Variants in GNG7 observed in about 807,000 individuals in gnomAD.
GNG7 encodes the protein guanine nucleotide-binding protein G(I)/G(S)/G(O) subunit gamma-7.
GNG7 carries 1 observed loss-of-function variant against 4.0 expected under a neutral mutation model. That is an observed-to-expected ratio of 0.25 (90% CI 0.09 to 1.18). The LOEUF is 1.18. Ranked by LOEUF, GNG7 falls within the 50% of genes most tolerant of loss-of-function variation. The pLI, the probability that GNG7 is intolerant of heterozygous loss-of-function variation, is 0.50. For synonymous variants in GNG7, 34 were observed against 36.9 expected (o/e 0.92, Z 0.29); for missense variants, 86 against 91.9 (o/e 0.94, Z 0.26).
At chr19:2,601,686 G>A (rs1201893234) in intron 2 of GNG7, among the ~76,000 whole-genome samples, 1 of 152,068 alleles carries the variant, frequency 6.6e-6, no homozygotes, top group African/African-American at 2.4e-5. Context: ...GGCCGGGGCA[G>A]GAGGATCCCT....
rs575755268 is a variant in GNG7 at position 2,551,544 on chromosome 19, T to C, written c.-38+3605A>G. Among the ~76,000 whole-genome samples the C allele has an allele frequency of 1.0e-4, 8 of 78,748 alleles. No individual in the cohort carries two copies. The South Asian group carries it at 2.3e-3, about 23-fold the overall frequency. 51.7% of individuals were successfully genotyped at this position (78,748 alleles called of 152,430 possible). A position where few individuals can be genotyped will look rare whatever the true frequency, so the allele number is the denominator to read the frequency against. On this transcript the variant is annotated intron_variant, in intron 3 of 4. Coordinates refer to ENST00000382159, the MANE Select transcript of GNG7 (RefSeq NM_052847.3). ...ATTTATATAAAAATATATTTATATG[T>C]ATTTATTAATATATATTTATCTATT...
At chr19:2,581,065 T>C (rs770042884) in intron 2 of GNG7, among the ~76,000 whole-genome samples, 2 of 152,102 alleles carry the variant, frequency 1.3e-5, no homozygotes, top group Non-Finnish European at 2.9e-5. Flanking sequence ...GCGCCCGGCC[T>C]CTGCCTGGTT....
At chr19:2,597,442 C>CA (rs1367810643) in intron 2 of GNG7, among the ~76,000 whole-genome samples, 5 of 151,688 alleles carry the variant, frequency 3.3e-5, no homozygotes, top group African/African-American at 1.2e-4. Flanking sequence ...ACTAAAAATA[C>CA]AAAAATTAGC....
intron 1 of GNG7, among the ~76,000 whole-genome samples, chr19:2,652,976 A>G (rs1375100015): frequency 6.6e-6 from 1 of 151,752 alleles, no homozygotes; most frequent in Non-Finnish European, 1.5e-5. Context: ...AAAATTTAAA[A>G]ATTTGCTGGG....
chr19:2,638,912 A>C (rs1982407177), intron 2 of GNG7, among the ~76,000 whole-genome samples: 1 of 152,206 alleles, frequency 6.6e-6, no homozygotes, highest in Admixed American at 6.5e-5. Context: ...GATCCATAAA[A>C]AAAACAAAGG....
At chr19:2,572,485 G>A (rs1980177565) in intron 2 of GNG7, among the ~76,000 whole-genome samples, 1 of 152,038 alleles carries the variant, frequency 6.6e-6, no homozygotes, top group African/African-American at 2.4e-5. Flanking sequence ...AGGCTGGAGT[G>A]CAGTGGCCTG....
chr19:2,632,504 A>ACG (rs1982190056), intron 2 of GNG7: 1 of 152,198 alleles, frequency 6.6e-6, no homozygotes, highest in East Asian at 1.9e-4. Flanking sequence ...ACACACACAC[A>ACG]CACACACGCA....
intron 2 of GNG7, among the ~76,000 whole-genome samples, chr19:2,573,654 T>C (rs1980219953): frequency 6.6e-6 from 1 of 151,792 alleles, no homozygotes; most frequent in Admixed American, 6.6e-5. Flanking sequence ...GTTAGTGTCT[T>C]GTTCACGGCG....
Position 2,546,700 on chromosome 19 carries a change from C to T in GNG7, c.-38+8449G>A, listed in dbSNP as rs1045847314. 1.5e-4 allele frequency among the ~76,000 whole-genome samples: 23 copies of T among 152,254 alleles called. 1 individual carries two copies. Among genetic ancestry groups the T allele is most frequent in the South Asian group, 1.5e-3 (7 of 4,820 alleles). On this transcript the variant is annotated intron_variant, in intron 3 of 4. Coordinates refer to ENST00000382159, the MANE Select transcript of GNG7 (RefSeq NM_052847.3). The surrounding 1 kb of genome is among the most constrained non-coding windows in gnomAD (Gnocchi z 6.3). ...CCGGCTTGTTCAGACAAAGAGGCCGCGACGACAGAGGGTGACGCGCCGCCA... is the reference window on the plus strand; with the variant it reads ...CCGGCTTGTTCAGACAAAGAGGCCGTGACGACAGAGGGTGACGCGCCGCCA...
intron 1 of GNG7, among the ~76,000 whole-genome samples, chr19:2,698,459 G>C (rs1012427332): frequency 2.6e-5 from 4 of 151,944 alleles, no homozygotes; most frequent in African/African-American, 9.7e-5. Flanking sequence ...AGCTACTCGA[G>C]AGGATGAGGC....
Position 2,611,004 on chromosome 19 carries a change from C to CGGG in GNG7, c.-78+35217_-78+35219dup, listed in dbSNP as rs750687168. 162 of 21,918 alleles carry CGGG rather than the reference C, an allele frequency of 7.4e-3. 1 individual carries two copies. The highest frequency in any genetic ancestry group is 9.3e-3 in the African/African-American group (151 of 16,170). 1.4% of individuals were successfully genotyped at this position (21,918 alleles called of 1,614,324 possible). A position where few individuals can be genotyped will look rare whatever the true frequency, so the allele number is the denominator to read the frequency against. ...GGGGAACGGGCTCACGTGCCAGGCT[C>CGGG]GGGGGGGGGGAAGCGTCCTCAACAT... On this transcript the variant is annotated intron_variant, in intron 2 of 4. Coordinates refer to ENST00000382159, the MANE Select transcript of GNG7 (RefSeq NM_052847.3). This position sits in a 1 kb window ranked among gnomAD's most constrained non-coding sequence, Gnocchi z 6.0.
chr19:2,561,925 T>C (rs569614865), intron 2 of GNG7, among the ~76,000 whole-genome samples: 2 of 152,162 alleles, frequency 1.3e-5, no homozygotes, highest in East Asian at 1.9e-4. Context: ...CTTTGCACTC[T>C]GAAAAGCACC....
rs540557981 is a variant in GNG7 at position 2,681,483 on chromosome 19, G to A, written c.-135+21163C>T. Among the ~76,000 whole-genome samples the A allele has an allele frequency of 1.4e-3, 208 of 151,804 alleles. 2 individuals carry two copies. In the South Asian group the frequency reaches 0.029, roughly 21 times the overall value. On this transcript the variant is annotated intron_variant, in intron 1 of 4. Transcript: ENST00000382159. ...CAGGCGTGAGCAACCTCACCCAGCC[G>A]GTCTCCAACTCTTGGACTCAAGTGA...
At chr19:2,517,401 GT>G (rs1972750785) in intron 4 of GNG7, among the ~76,000 whole-genome samples, 1 of 152,068 alleles carries the variant, frequency 6.6e-6, no homozygotes, top group Non-Finnish European at 1.5e-5. Flanking sequence ...GTCTCACTCT[GT>G]CAGCCAGGCT....
intron 1 of GNG7, among the ~76,000 whole-genome samples, chr19:2,664,734 A>AT (rs1286432239): frequency 1.3e-5 from 2 of 151,000 alleles, no homozygotes; most frequent in East Asian, 2.0e-4. Context: ...GAGCAAACTC[A>AT]TTTTTTTGCC....
rs1972683311 is a variant in GNG7 at position 2,513,384 on chromosome 19, C to T, written c.*1638G>A. ...GTGGAGGGGGTCGGGGCGGCCAGGC[C>T]TCCTGCGATCAGGGCTGCGTGGGGT... On this transcript the variant is annotated 3_prime_UTR_variant, in exon 5 of 5. Coordinates refer to ENST00000382159, the MANE Select transcript of GNG7 (RefSeq NM_052847.3). The T allele has an allele frequency of 1.7e-6, 1 of 593,052 alleles. No individual in the cohort carries two copies. The highest frequency in any genetic ancestry group is 2.0e-5 in the African/African-American group (1 of 49,622). 36.7% of individuals were successfully genotyped at this position (593,052 alleles called of 1,614,324 possible). A position where few individuals can be genotyped will look rare whatever the true frequency, so the allele number is the denominator to read the frequency against.
chr19:2,553,586 C>A lies in GNG7; in HGVS notation c.-38+1563G>T, dbSNP rs189961997. Among the ~76,000 whole-genome samples the A allele has an allele frequency of 2.8e-4, 41 of 148,756 alleles. 1 individual carries two copies. In the East Asian group the frequency reaches 7.4e-3, roughly 27 times the overall value. ...CATGTAATAAATCATATCACATACA[C>A]GCACATATTACATGCAATATATCAT... On this transcript the variant is annotated intron_variant, in intron 3 of 4. Coordinates refer to ENST00000382159, the MANE Select transcript of GNG7 (RefSeq NM_052847.3).
rs1403827353 is a variant in GNG7, at chr19:2,609,214, T to TG, written c.-78+37009dup. Among the ~76,000 whole-genome samples, 3 of 152,074 alleles carry TG rather than the reference T, an allele frequency of 2.0e-5. No individual in the cohort carries two copies. Among genetic ancestry groups the TG allele is most frequent in the Non-Finnish European group, 4.4e-5 (3 of 67,994 alleles). On this transcript the variant is annotated intron_variant, in intron 2 of 4. Coordinates refer to ENST00000382159, the MANE Select transcript of GNG7 (RefSeq NM_052847.3). This position sits in a 1 kb window ranked among gnomAD's most constrained non-coding sequence, Gnocchi z 4.4. Reference sequence around the variant, plus strand: ...GCTAATTTTTAATTTTTCGTAGAGATGGGGGTCTCACTATGTTGCCAAGGC... The same window carrying TG: ...GCTAATTTTTAATTTTTCGTAGAGATGGGGGGTCTCACTATGTTGCCAAGGC...
chr19:2,566,901 G>C (rs890863875), intron 2 of GNG7, among the ~76,000 whole-genome samples: 1 of 152,058 alleles, frequency 6.6e-6, no homozygotes, highest in Non-Finnish European at 1.5e-5. Context: ...CCAGGAGTTC[G>C]AGACCAGCCT....
Sources: allele counts gnomAD v4.1 joint callset (sites outside exome capture counted in the v4.1 genomes callset), GRCh38; gene constraint gnomAD v4.1.1; non-coding constraint Gnocchi (gnomAD v3.1); transcripts MANE v1.5; gene names NCBI Gene and HGNC (gene_info 2026-07-23, HGNC 2026-07-21).